Variants in CADPS2 observed in about 807,000 individuals in gnomAD.
CADPS2 encodes the protein calcium dependent secretion activator 2, also known as calcium-dependent secretion activator 2.
In CADPS2, 93 loss-of-function variants were observed where a neutral mutation model predicts 172.5. The observed-to-expected ratio is 0.54, with a 90% CI of 0.46 to 0.64. The LOEUF is 0.64. Among genes scored for constraint, CADPS2 ranks in the 30% least tolerant of loss-of-function variants. The pLI is 0.00. For synonymous variants in CADPS2, 546 were observed against 555.2 expected (o/e 0.98, Z 0.23); for missense variants, 1,420 against 1,565.9 (o/e 0.91, Z 1.57).
In CADPS2 at chr7:122,387,104, G is replaced by A. The variant is rs556647244; in HGVS notation, c.3234C>T (p.Ser1078=). 42 of 1,570,622 alleles carry A rather than the reference G, an allele frequency of 2.7e-5. No individual in the cohort carries two copies. In the South Asian group the frequency reaches 3.1e-4, roughly 12 times the overall value. The change falls in exon 24 of 30, where the codon TCC becomes TCT. Residue 1078 remains serine (S), a synonymous_variant. Coordinates refer to ENST00000449022, the MANE Select transcript of CADPS2 (RefSeq NM_017954.11). ...CTAATACATTAAACATAGTGCAAAC[G>A]GAAGCTGGAATGCGCAAGTCAGTTG... The part of the protein sequence containing the change: ...SKTTDLRIPA[S]VCTMFNVLVD...
intron 7 of CADPS2, among the ~76,000 whole-genome samples, chr7:122,572,918 T>A (rs1408577045): frequency 6.6e-6 from 1 of 152,174 alleles, no homozygotes; most frequent in East Asian, 1.9e-4. Context: ...ATGCCACCTC[T>A]ATTTCCGTAA....
chr7:122,444,356 T>G (rs2051825732), intron 15 of CADPS2, among the ~76,000 whole-genome samples: 1 of 152,142 alleles, frequency 6.6e-6, no homozygotes, highest in Non-Finnish European at 1.5e-5. Context: ...ATATGATAAA[T>G]GTTTAAATTT....
intron 1 of CADPS2, among the ~76,000 whole-genome samples, chr7:122,751,251 G>A (rs1411303584): frequency 6.6e-6 from 1 of 151,978 alleles, no homozygotes; most frequent in Non-Finnish European, 1.5e-5. Context: ...AGTGCTAGGC[G>A]CTTCCTAAGA....
In CADPS2 at chr7:122,581,245, C is replaced by A; in HGVS notation, c.1269G>T (p.Val423=). 1 of 1,613,186 alleles carries A rather than the reference C, an allele frequency of 6.2e-7. No individual in the cohort carries two copies. Among genetic ancestry groups the A allele is most frequent in the Non-Finnish European group, 8.5e-7 (1 of 1,179,416 alleles). The part of the protein sequence containing the change: ...GDFTTTHPRP[V]VKVKLFTEST... ...TTTCTGTGAAGAGTTTCACTTTGACCACAGGCCGAGGATGGGTGGTGGTGA... is the reference window on the plus strand; with the variant it reads ...TTTCTGTGAAGAGTTTCACTTTGACAACAGGCCGAGGATGGGTGGTGGTGA... Residue 423 remains valine (V), a synonymous_variant, in exon 7 of 30, where the codon GTG becomes GTT. Coordinates refer to ENST00000449022, the MANE Select transcript of CADPS2 (RefSeq NM_017954.11).
At chr7:122,667,490 T>C (rs993015878) in intron 2 of CADPS2, among the ~76,000 whole-genome samples, 2 of 152,158 alleles carry the variant, frequency 1.3e-5, no homozygotes, top group Admixed American at 1.3e-4. Context: ...TTAGATGTAA[T>C]GTAATCAACA....
chr7:122,581,666 G>C (rs974352899), intron 6 of CADPS2, among the ~76,000 whole-genome samples: 1 of 152,104 alleles, frequency 6.6e-6, no homozygotes, highest in African/African-American at 2.4e-5. Flanking sequence ...TTACGTAAGA[G>C]AGAGTTTCTC....
intron 4 of CADPS2, among the ~76,000 whole-genome samples, chr7:122,626,888 A>C (rs2076140499): frequency 6.6e-6 from 1 of 152,234 alleles, no homozygotes. Flanking sequence ...CCCTGTACAC[A>C]TTTTGTTCAC....
chr7:122,369,244 G>A (rs1045686323), intron 25 of CADPS2, among the ~76,000 whole-genome samples: 2 of 146,514 alleles, frequency 1.4e-5, no homozygotes, highest in South Asian at 4.3e-4. Flanking sequence ...CCATTCTCCT[G>A]CCTCAGCCTC....
chr7:122,586,627 CA>C (rs2069737008), intron 6 of CADPS2, among the ~76,000 whole-genome samples: 1 of 151,908 alleles, frequency 6.6e-6, no homozygotes, highest in South Asian at 2.1e-4. Context: ...ACAAAGAAAA[CA>C]GACATTTTCA....
chr7:122,713,506 AC>A (rs1481345066), intron 2 of CADPS2, among the ~76,000 whole-genome samples: 1 of 152,098 alleles, frequency 6.6e-6, no homozygotes, highest in African/African-American at 2.4e-5. Flanking sequence ...CACTGCCAGC[AC>A]CCATCATATT....
intron 8 of CADPS2, among the ~76,000 whole-genome samples, chr7:122,521,286 C>A (rs956015682): frequency 2.0e-5 from 3 of 152,080 alleles, no homozygotes; most frequent in African/African-American, 7.2e-5. Flanking sequence ...CTCATGATCC[C>A]ATTTAACTGA....
In CADPS2 at chr7:122,718,666, C is replaced by T. The variant is rs185956522; in HGVS notation, c.453+18289G>A. Among the ~76,000 whole-genome samples the T allele has an allele frequency of 4.8e-4, 73 of 152,086 alleles. No individual in the cohort carries two copies. The South Asian group carries it at 0.013, about 26-fold the overall frequency. ...TGGCAGGGAACTGATCAAATGGGGCCGTGTTAAGGCTTTTATAATCCAAGC... is the reference window on the plus strand; with the variant it reads ...TGGCAGGGAACTGATCAAATGGGGCTGTGTTAAGGCTTTTATAATCCAAGC... On this transcript the variant is annotated intron_variant, in intron 2 of 29. Coordinates refer to ENST00000449022, the MANE Select transcript of CADPS2 (RefSeq NM_017954.11).
intron 1 of CADPS2, among the ~76,000 whole-genome samples, chr7:122,754,563 G>A (rs369200697): frequency 4.0e-4 from 61 of 152,146 alleles, no homozygotes; most frequent in African/African-American, 1.2e-3. Flanking sequence ...TGCAACGTCC[G>A]CCTCCCAGGT....
At chr7:122,377,622 G>C (rs1177299047) in intron 25 of CADPS2, among the ~76,000 whole-genome samples, 2 of 152,106 alleles carry the variant, frequency 1.3e-5, no homozygotes, top group African/African-American at 4.8e-5. Flanking sequence ...TTTCACTGTA[G>C]TGCGTTGACT....
intron 9 of CADPS2, among the ~76,000 whole-genome samples, chr7:122,502,681 TTTAA>T (rs2059303253): frequency 6.6e-6 from 1 of 152,106 alleles, no homozygotes; most frequent in Non-Finnish European, 1.5e-5. Flanking sequence ...ATTTTTCATG[TTTAA>T]TTGAGCCGCC....
At chr7:122,432,572 C>T (rs1196266980) in intron 17 of CADPS2, among the ~76,000 whole-genome samples, 1 of 144,404 alleles carries the variant, frequency 6.9e-6, no homozygotes, top group African/African-American at 2.6e-5. Context: ...ACTCGGGAGG[C>T]GGAGGTTGCA....
At chr7:122,524,778 T>C (rs2061074366) in intron 8 of CADPS2, among the ~76,000 whole-genome samples, 1 of 152,230 alleles carries the variant, frequency 6.6e-6, no homozygotes, top group South Asian at 2.1e-4. Context: ...TTACATTGTT[T>C]GGAATTAACT....
At chr7:122,620,424 G>GTGTGTGTA (rs1336776673) in intron 5 of CADPS2, among the ~76,000 whole-genome samples, 1 of 152,092 alleles carries the variant, frequency 6.6e-6, no homozygotes, top group East Asian at 1.9e-4. Context: ...TGTCAGGTGT[G>GTGTGTGTA]TGTGTGTATG....
intron 20 of CADPS2, among the ~76,000 whole-genome samples, chr7:122,407,236 CCT>C (rs2046759928): frequency 6.6e-6 from 1 of 152,094 alleles, no homozygotes; most frequent in Non-Finnish European, 1.5e-5. Context: ...GAAATGCCAG[CCT>C]TTGAAGATTT....
Sources: allele counts gnomAD v4.1 joint callset (sites outside exome capture counted in the v4.1 genomes callset), GRCh38; gene constraint gnomAD v4.1.1; transcripts MANE v1.5; gene names NCBI Gene and HGNC (gene_info 2026-07-23, HGNC 2026-07-21).